APBA2: variants seen among roughly 807,000 people sequenced by gnomAD.
APBA2 encodes amyloid-beta A4 precursor protein-binding family A member 2.
APBA2 carries 30 observed loss-of-function variants against 75.0 expected under a neutral mutation model. The observed-to-expected ratio is 0.40, with a 90% CI of 0.30 to 0.54. The LOEUF (loss-of-function observed/expected upper bound fraction) is 0.54. APBA2 is among the 20% of genes least tolerant of loss of function. The probability of loss-of-function intolerance (pLI) is 0.49; values close to 1 mark genes in which losing one functional copy is unlikely to be tolerated. For missense variants in APBA2, 801 were observed against 1,016.1 expected, an observed-to-expected ratio of 0.79 and a Z score of 2.88; for synonymous variants, 444 against 409.6, an observed-to-expected ratio of 1.08 and a Z score of -1.01.
At chr15:28,960,046 G>T (rs1317182369) in intron 2 of APBA2, among the ~76,000 whole-genome samples, 1 of 151,696 alleles carries the variant, frequency 6.6e-6, no homozygotes, top group Non-Finnish European at 1.5e-5. Flanking sequence ...TTGGGAGGCT[G>T]AGGTGGGAGG....
intron 10 of APBA2, among the ~76,000 whole-genome samples, chr15:29,103,657 G>A (rs115873238): frequency 0.019 from 2,954 of 152,326 alleles, 62 homozygotes; most frequent in African/African-American, 0.049. Context: ...GGAGGATGTC[G>A]TCCAAGGGGA....
At chr15:29,037,599 G>GAA (rs1313911378) in intron 3 of APBA2, among the ~76,000 whole-genome samples, 2 of 152,096 alleles carry the variant, frequency 1.3e-5, no homozygotes, top group African/African-American at 4.8e-5. Flanking sequence ...CGTGGGGCTG[G>GAA]AAGAAATCAG....
At chr15:28,966,253 T>A (rs927377621) in intron 2 of APBA2, among the ~76,000 whole-genome samples, 1 of 152,208 alleles carries the variant, frequency 6.6e-6, no homozygotes, top group Non-Finnish European at 1.5e-5. Context: ...TCTTTGCTGA[T>A]CTTCTGTCCA....
chr15:28,993,177 C>T (rs57383781), intron 2 of APBA2, among the ~76,000 whole-genome samples: 12,181 of 152,240 alleles, frequency 0.08, 668 homozygotes, highest in East Asian at 0.27. Context: ...GGCTCACTTA[C>T]GACTCAGAGT....
chr15:28,902,496 A>G (rs927137666), intron 1 of APBA2, among the ~76,000 whole-genome samples: 1 of 152,172 alleles, frequency 6.6e-6, no homozygotes, highest in South Asian at 2.1e-4. Flanking sequence ...ACAGCTGAAC[A>G]TGATGTGCTG....
At position 29,106,631 on chromosome 15, in the gene APBA2, G is replaced by A; in HGVS notation, c.1729G>A (p.Glu577Lys). Reference protein sequence around the residue: ...KELQLEKHKGEILGVVVVESG... With the variant: ...KELQLEKHKGKILGVVVVESG... The stretch of plus-strand genomic sequence containing the variant: ...GCTGCAGCTGGAGAAGCACAAGGGC[G>A]AGATCCTGGGCGTGGTGGTGGTGGA... The change falls in exon 12 of 15, where the codon GAG becomes AAG. Residue 577 changes from glutamate to lysine, a missense_variant. This residue lies in a region of APBA2 where 367 missense variants were observed against 544.5 expected (regional missense o/e 0.67). Coordinates refer to ENST00000683413, the MANE Select transcript of APBA2 (RefSeq NM_001353788.2). 2 of 1,613,180 alleles carry A rather than the reference G, an allele frequency of 1.2e-6. No individual in the cohort carries two copies. Among genetic ancestry groups the A allele is most frequent in the Non-Finnish European group, 1.7e-6 (2 of 1,180,028 alleles).
intron 14 of APBA2, 98 bp from the exon 15 acceptor site, chr15:29,116,964 G>A (rs1400325926): frequency 3.2e-5 from 42 of 1,321,364 alleles, no homozygotes; most frequent in Non-Finnish European, 4.4e-5. Flanking sequence ...GGCATTTGAA[G>A]CAGAACTCTG....
intron 2 of APBA2, among the ~76,000 whole-genome samples, chr15:28,959,817 A>G (rs1265102814): frequency 6.6e-6 from 1 of 152,182 alleles, no homozygotes; most frequent in South Asian, 2.1e-4. Flanking sequence ...CTCTACGGAA[A>G]CTGGAAAAAT....
At chr15:28,963,211 G>A (rs1294163829) in intron 2 of APBA2, among the ~76,000 whole-genome samples, 1 of 152,216 alleles carries the variant, frequency 6.6e-6, no homozygotes, top group Non-Finnish European at 1.5e-5. Context: ...GATGTGGGAC[G>A]TGGTATTTTC....
rs1469755100 is a variant in APBA2, at chr15:29,021,560, A to G, written c.-41+25754A>G. On this transcript the variant is annotated intron_variant, in intron 3 of 14. Transcript: ENST00000683413. ...TTAGAGCGAAGCCAACCCCCATGAAACCATTGCCACAGCGTGTGCCGTAAA... is the reference window on the plus strand; with the variant it reads ...TTAGAGCGAAGCCAACCCCCATGAAGCCATTGCCACAGCGTGTGCCGTAAA... 3.3e-5 allele frequency among the ~76,000 whole-genome samples: 5 copies of G among 151,976 alleles called. No homozygotes were observed. The East Asian group carries it at 9.6e-4, about 29-fold the overall frequency.
At chr15:28,911,525 T>A (rs1389138874) in intron 1 of APBA2, among the ~76,000 whole-genome samples, 2 of 152,214 alleles carry the variant, frequency 1.3e-5, no homozygotes, top group Non-Finnish European at 2.9e-5. Flanking sequence ...ATTAATGCAC[T>A]TCCTTTTGTC....
At chr15:29,045,096 TCTCTCTC>T (rs1425457257) in intron 3 of APBA2, among the ~76,000 whole-genome samples, 4 of 127,842 alleles carry the variant, frequency 3.1e-5, no homozygotes, top group South Asian at 2.3e-4. Flanking sequence ...TCTCTCTCTC[TCTCTCTC>T]GTCTCGCACT....
At chr15:29,084,195 T>C (rs2043194861) in intron 6 of APBA2, among the ~76,000 whole-genome samples, 1 of 152,184 alleles carries the variant, frequency 6.6e-6, no homozygotes, top group Non-Finnish European at 1.5e-5. Flanking sequence ...TTTTCTTGAG[T>C]TTTTCCTGGC....
chr15:29,003,997 T>G lies in APBA2; in HGVS notation c.-41+8191T>G, dbSNP rs553168379. On this transcript the variant is annotated intron_variant, in intron 3 of 14. Transcript: ENST00000683413. Reference sequence around the variant, plus strand: ...CACACTCTTGATAACACGTGGGGGCTCCAGGACCAAAAGCTGGTGCTGCAG... The same window carrying G: ...CACACTCTTGATAACACGTGGGGGCGCCAGGACCAAAAGCTGGTGCTGCAG... Among the ~76,000 whole-genome samples the G allele has an allele frequency of 1.7e-3, 266 of 152,208 alleles. 1 individual carries two copies. Among genetic ancestry groups the G allele is most frequent in the African/African-American group, 6.4e-3 (264 of 41,542 alleles).
chr15:29,015,137 G>T (rs553344310), intron 3 of APBA2, among the ~76,000 whole-genome samples: 41 of 152,218 alleles, frequency 2.7e-4, no homozygotes, highest in Non-Finnish European at 4.4e-4. Flanking sequence ...TGCTATGATT[G>T]TCAAGGGAAA....
At chr15:29,006,415 T>C (rs2039117669) in intron 3 of APBA2, among the ~76,000 whole-genome samples, 1 of 152,134 alleles carries the variant, frequency 6.6e-6, no homozygotes, top group Non-Finnish European at 1.5e-5. Flanking sequence ...AAGACACCAG[T>C]AAATGGAAAG....
Position 29,054,674 on chromosome 15 carries a change from G to A in APBA2, c.790G>A (p.Ala264Thr). Reference sequence around the variant, plus strand: ...GCCAGGGCCTGAGGACTCTGTAGAGGCCTGCCCACCCATCAAGGCCAGCTG... The same window carrying A: ...GCCAGGGCCTGAGGACTCTGTAGAGACCTGCCCACCCATCAAGGCCAGCTG... ...PEPGPEDSVE[A>T]CPPIKASCSP... Residue 264 changes from alanine to threonine, a missense_variant, in exon 4 of 15, where the codon GCC (alanine) becomes ACC (threonine). By Grantham distance (58) the Ala-to-Thr change is moderately conservative. Around this residue, in one of 2 missense-constraint regions of APBA2, gnomAD observed 434 missense variants for 471.6 expected, o/e 0.92. Transcript: ENST00000683413. The surrounding 1 kb of genome is among the most constrained non-coding windows in gnomAD (Gnocchi z 6.1). 2 of 1,614,056 alleles carry A rather than the reference G, an allele frequency of 1.2e-6. No homozygotes were observed. The highest frequency in any genetic ancestry group is 1.7e-6 in the Non-Finnish European group (2 of 1,180,022).
At chr15:28,894,595 GT>G (rs1464160272) in intron 1 of APBA2, among the ~76,000 whole-genome samples, 2 of 152,200 alleles carry the variant, frequency 1.3e-5, no homozygotes, top group Non-Finnish European at 2.9e-5. Flanking sequence ...GGACTATGTG[GT>G]TTGTGTAGGT....
chr15:28,907,963 A>C (rs565536685), intron 1 of APBA2, among the ~76,000 whole-genome samples: 70 of 152,388 alleles, frequency 4.6e-4, no homozygotes, highest in African/African-American at 1.6e-3. Context: ...AATCTGTTTA[A>C]AAACCTTAAT....
Sources: gnomAD v4.1 joint callset for allele counts (sites outside exome capture counted in the v4.1 genomes callset) on GRCh38, gnomAD v4.1.1 for gene constraint, gnomAD v4.1.1 regional missense constraint, Gnocchi (gnomAD v3.1) non-coding constraint, MANE v1.5 for transcripts, NCBI Gene and HGNC (gene_info 2026-07-23, HGNC 2026-07-21) for gene names.